Variants in MBD5 observed in about 807,000 individuals in gnomAD.
The protein encoded by MBD5 is methyl-CpG-binding domain protein 5.
Under a neutral mutation model 117.3 loss-of-function variants are expected in MBD5, and 13 were observed. The observed-to-expected ratio is 0.11, with a 90% confidence interval of 0.07 to 0.18. MBD5 has a LOEUF of 0.18. MBD5 is among the 10% of genes least tolerant of loss of function. The pLI, the probability that MBD5 is intolerant of heterozygous loss-of-function variation, is 1.00. For missense variants in MBD5, 1,879 were observed against 2,093.8 expected (o/e 0.90, Z 2.00); for synonymous variants, 727 against 766.4 (o/e 0.95, Z 0.85).
intron 9 of MBD5, 117 bp downstream of exon 9, chr2:148,484,252 C>A: frequency 2.2e-6 from 2 of 907,590 alleles, no homozygotes; most frequent in Non-Finnish European, 3.2e-6. Context: ...TGTTATGTCA[C>A]AGCTTGCTTA....
At chr2:148,160,170 C>T (rs922060914) in intron 1 of MBD5, among the ~76,000 whole-genome samples, 11 of 152,064 alleles carry the variant, frequency 7.2e-5, no homozygotes, top group East Asian at 3.9e-4. Context: ...GAGGCCGAGG[C>T]GGGCAGATCA....
intron 1 of MBD5, among the ~76,000 whole-genome samples, chr2:148,085,456 G>GA (rs1695753434): frequency 1.3e-5 from 2 of 152,106 alleles, no homozygotes; most frequent in East Asian, 3.9e-4. Flanking sequence ...CGGGCGCGGT[G>GA]GCTCACGCCT....
chr2:148,146,336 G>A (rs1271675901), intron 1 of MBD5, among the ~76,000 whole-genome samples: 1 of 151,976 alleles, frequency 6.6e-6, no homozygotes, highest in African/African-American at 2.4e-5. Flanking sequence ...ATGGCTCACT[G>A]CAGCCTCAAC....
At chr2:148,056,579 T>C (rs1352674940) in intron 1 of MBD5, among the ~76,000 whole-genome samples, 2 of 152,098 alleles carry the variant, frequency 1.3e-5, no homozygotes, top group African/African-American at 4.8e-5. Context: ...GTTTTTTCTC[T>C]TTTAATCTGT....
rs73013024 is a variant in MBD5 at position 148,273,402 on chromosome 2, G to A, written c.-680+40007G>A. Among the ~76,000 whole-genome samples, 856 of 152,248 alleles carry A rather than the reference G, an allele frequency of 5.6e-3. 11 individuals are homozygous for A. Among genetic ancestry groups the A allele is most frequent in the African/African-American group, 0.02 (828 of 41,540 alleles). On this transcript the variant is annotated intron_variant, in intron 3 of 13. Coordinates refer to ENST00000642680, the MANE Select transcript of MBD5 (RefSeq NM_001378120.1). Reference sequence around the variant, plus strand: ...CATGTAGCTGGAGGTCACAAGATTTGTAACTCCCCACTTGCTCCTTATATA... The same window carrying A: ...CATGTAGCTGGAGGTCACAAGATTTATAACTCCCCACTTGCTCCTTATATA...
At chr2:148,287,882 C>A (rs920071108) in intron 3 of MBD5, among the ~76,000 whole-genome samples, 1 of 152,144 alleles carries the variant, frequency 6.6e-6, no homozygotes, top group Non-Finnish European at 1.5e-5. Flanking sequence ...GAGTTCTCAA[C>A]GTTGTTGCTT....
intron 2 of MBD5, among the ~76,000 whole-genome samples, chr2:148,204,402 CAA>C (rs1019236876): frequency 3.5e-4 from 53 of 151,606 alleles, no homozygotes; most frequent in African/African-American, 1.3e-3. Flanking sequence ...AAAAGAAAAC[CAA>C]AAGAGTAGAA....
intron 2 of MBD5, among the ~76,000 whole-genome samples, chr2:148,220,563 T>G (rs1205182434): frequency 6.6e-6 from 1 of 152,144 alleles, no homozygotes; most frequent in Non-Finnish European, 1.5e-5. Flanking sequence ...TGAATCAGAT[T>G]CATTTAGTAG....
intron 2 of MBD5, among the ~76,000 whole-genome samples, chr2:148,199,929 ATCATG>A (rs1432883474): frequency 6.6e-6 from 1 of 152,214 alleles, no homozygotes; most frequent in African/African-American, 2.4e-5. Flanking sequence ...AAACTACTAC[ATCATG>A]CCATCCAAAT....
chr2:148,293,485 C>T (rs1701551150), intron 3 of MBD5, among the ~76,000 whole-genome samples: 1 of 152,166 alleles, frequency 6.6e-6, no homozygotes. Flanking sequence ...TGTATCAAAA[C>T]ATCTCATGTA....
chr2:148,241,898 G>A (rs1574182375), intron 3 of MBD5, among the ~76,000 whole-genome samples: 1 of 152,100 alleles, frequency 6.6e-6, no homozygotes, highest in East Asian at 1.9e-4. Context: ...TACAGTTGTT[G>A]TCAGTGAGAG....
At chr2:148,463,304 C>T (rs1157403665) in intron 6 of MBD5, among the ~76,000 whole-genome samples, 1 of 151,936 alleles carries the variant, frequency 6.6e-6, no homozygotes, top group Non-Finnish European at 1.5e-5. Flanking sequence ...TAAAACAAAA[C>T]AAGTAATAGA....
intron 4 of MBD5, among the ~76,000 whole-genome samples, chr2:148,452,345 C>A (rs1706753004): frequency 6.6e-6 from 1 of 151,826 alleles, no homozygotes; most frequent in South Asian, 2.1e-4. Flanking sequence ...AAAAATAAAT[C>A]AAAAAATTAT....
chr2:148,262,196 C>T (rs1700747793), intron 3 of MBD5, among the ~76,000 whole-genome samples: 2 of 151,982 alleles, frequency 1.3e-5, no homozygotes, highest in South Asian at 2.1e-4. Flanking sequence ...GCAGGGTTGT[C>T]GCAAACCTTC....
At chr2:148,280,905 CTCTAA>C (rs1701231714) in intron 3 of MBD5, among the ~76,000 whole-genome samples, 1 of 152,168 alleles carries the variant, frequency 6.6e-6, no homozygotes, top group African/African-American at 2.4e-5. Flanking sequence ...GAAGATCAGA[CTCTAA>C]TATCTTTCAG....
At chr2:148,154,312 G>T (rs1697793120) in intron 1 of MBD5, among the ~76,000 whole-genome samples, 1 of 151,998 alleles carries the variant, frequency 6.6e-6, no homozygotes, top group South Asian at 2.1e-4. Flanking sequence ...GCTGTGTGCT[G>T]GGAGAACCAC....
chr2:148,486,175 A>G (rs1002239078), intron 10 of MBD5, among the ~76,000 whole-genome samples: 5 of 152,106 alleles, frequency 3.3e-5, no homozygotes, highest in African/African-American at 1.2e-4. Flanking sequence ...AGCTGTTAGT[A>G]AAAACTGATC....
intron 7 of MBD5, among the ~76,000 whole-genome samples, chr2:148,467,099 C>T (rs942418914): frequency 9.2e-5 from 14 of 152,094 alleles, no homozygotes; most frequent in Admixed American, 3.3e-4. Context: ...ATGCCTGTAA[C>T]AGTCTCACTG....
intron 4 of MBD5, among the ~76,000 whole-genome samples, chr2:148,443,198 T>C (rs13423152): frequency 0.31 from 46,381 of 151,014 alleles, 8,682 homozygotes; most frequent in African/African-American, 0.47. Flanking sequence ...AGTGAGATAC[T>C]GTCTCACCCC....
Sources: gnomAD v4.1 joint callset for allele counts (sites outside exome capture counted in the v4.1 genomes callset) on GRCh38, gnomAD v4.1.1 for gene constraint, MANE v1.5 for transcripts, NCBI Gene and HGNC (gene_info 2026-07-23, HGNC 2026-07-21) for gene names.